The following SAMM50 variants were observed in gnomAD, a reference collection of about 807,000 sequenced individuals.
SAMM50 encodes sorting and assembly machinery component 50 homolog.
In SAMM50, 47 loss-of-function variants were observed where a neutral mutation model predicts 66.9. The ratio of observed to expected loss-of-function variants is 0.70; its 90% confidence interval spans 0.56 to 0.90. The LOEUF is 0.90. SAMM50 is among the 40% of genes least tolerant of loss of function. The pLI, the probability that SAMM50 is intolerant of heterozygous loss-of-function variation, is 0.00. For missense variants in SAMM50, 535 were observed against 595.3 expected (o/e 0.90, Z 1.05); for synonymous variants, 191 against 214.1 (o/e 0.89, Z 0.94).
intron 12 of SAMM50, 108 bp from the exon 13 acceptor site, chr22:43,989,003 G>A (rs1323914982): frequency 1.9e-6 from 2 of 1,072,998 alleles, no homozygotes; most frequent in Non-Finnish European, 2.7e-6. Flanking sequence ...CCAGCACTGT[G>A]TGGCGTTGTT....
At chr22:43,987,131 G>A (rs1213690231) in intron 12 of SAMM50, 5 of 152,136 alleles carry the variant, frequency 3.3e-5, no homozygotes, top group African/African-American at 1.2e-4. Flanking sequence ...CACCACCTCC[G>A]TGCGGTTGGC....
chr22:43,972,493 C>T lies in SAMM50; in HGVS notation c.429+151C>T, dbSNP rs74931710. 3.0e-3 allele frequency: 1,637 copies of T among 542,938 alleles called. 33 individuals carry two copies. The highest frequency in any genetic ancestry group is 0.028 in the African/African-American group (1,450 of 51,178). 33.6% of individuals were successfully genotyped at this position (542,938 alleles called of 1,614,324 possible). A position where few individuals can be genotyped will look rare whatever the true frequency, so the allele number is the denominator to read the frequency against. On this transcript the variant is annotated intron_variant, in intron 5 of 14. Transcript: ENST00000350028. ...TTATTTGTGGTTTCTCTTTAATCAC[C>T]GTAGAATTGGTGATAATATGTTTTG... is the stretch of plus-strand genomic sequence containing the variant.
At position 43,976,047 on chromosome 22, in the gene SAMM50, T is replaced by C. The variant is rs1436849469; in HGVS notation, c.649-8T>C. 16 of 1,607,590 alleles carry C rather than the reference T, an allele frequency of 1.0e-5. No individual in the cohort carries two copies. Among genetic ancestry groups the C allele is most frequent in the Non-Finnish European group, 1.4e-5 (16 of 1,174,462 alleles). On this transcript the variant is annotated splice_region_variant and splice_polypyrimidine_tract_variant and intron_variant, in intron 7 of 14. Coordinates refer to ENST00000350028, the MANE Select transcript of SAMM50 (RefSeq NM_015380.5). ...GGTCCGGAAAGATGTCTGATCTCCATGTTGCAGTTTCCCATATGGAAGACC... is the reference window on the plus strand; with the variant it reads ...GGTCCGGAAAGATGTCTGATCTCCACGTTGCAGTTTCCCATATGGAAGACC...
At chr22:43,955,712 C>T in intron 1 of SAMM50, 114 bp downstream of exon 1, 7 of 1,210,490 alleles carry the variant, frequency 5.8e-6, no homozygotes, top group Non-Finnish European at 8.0e-6. Flanking sequence ...GAGAGGGTGC[C>T]AAGGGTGCCG....
chr22:43,958,517 C>T (rs1233330876), intron 1 of SAMM50, among the ~76,000 whole-genome samples: 4 of 117,686 alleles, frequency 3.4e-5, no homozygotes, highest in Non-Finnish European at 4.8e-5. Flanking sequence ...CTTTCTCTGT[C>T]ACCCAGGCTG....
Position 43,968,748 on chromosome 22 carries a change from T to C in SAMM50, c.252T>C (p.His84=), listed in dbSNP as rs1569027080. The C allele has an allele frequency of 1.2e-6, 2 of 1,612,608 alleles. No individual in the cohort carries two copies. Among genetic ancestry groups the C allele is most frequent in the South Asian group, 2.2e-5 (2 of 91,058 alleles). Reference sequence around the variant, plus strand: ...TTTTATAGGTAATGCGGAAATCTCATGAAGCCCGTGAAAAATTGCTCCGTC... The same window carrying C: ...TTTTATAGGTAATGCGGAAATCTCACGAAGCCCGTGAAAAATTGCTCCGTC... ...KNLIEVMRKS[H]EAREKLLRLG... is the part of the protein sequence containing the mutation. The change falls in exon 4 of 15, where the codon CAT becomes CAC. Residue 84 remains histidine (H), a synonymous_variant. Transcript: ENST00000350028.
At chr22:43,963,243 A>G (rs2050156510) in intron 1 of SAMM50, 43 bp from the exon 2 acceptor site, 3 of 1,244,064 alleles carry the variant, frequency 2.4e-6, no homozygotes, top group African/African-American at 1.5e-5. Context: ...GTGTGTATAT[A>G]TGTGACAAAG....
chr22:43,986,836 A>C (rs1353365490), intron 12 of SAMM50: 1 of 152,200 alleles, frequency 6.6e-6, no homozygotes, highest in African/African-American at 2.4e-5. Context: ...TACAGGCGTG[A>C]GTCACTGCAC....
intron 1 of SAMM50, 143 bp downstream of exon 1, chr22:43,955,741 G>A (rs2050115862): frequency 1.0e-5 from 9 of 860,454 alleles, no homozygotes; most frequent in Non-Finnish European, 1.6e-5. Flanking sequence ...GGAGGAGGCC[G>A]AAAAGAGGTC....
At position 43,963,301 on chromosome 22, in the gene SAMM50, C is replaced by G; in HGVS notation, c.37C>G (p.Pro13Ala). 3.7e-6 allele frequency: 6 copies of G among 1,609,588 alleles called. No homozygotes were observed. The highest frequency in any genetic ancestry group is 5.1e-6 in the Non-Finnish European group (6 of 1,178,208). The change falls in exon 2 of 15, where the codon CCA (proline) becomes GCA (alanine). Residue 13 changes from proline to alanine, a missense_variant. Coordinates refer to ENST00000350028, the MANE Select transcript of SAMM50 (RefSeq NM_015380.5). Reference sequence around the variant, plus strand: ...TCCCTTTCAGAGTTTGGAGCCTCTTCCATCAAGTGGACCTGATTTTGGAGG... The same window carrying G: ...TCCCTTTCAGAGTTTGGAGCCTCTTGCATCAAGTGGACCTGATTTTGGAGG... ...TVHARSLEPL[P>A]SSGPDFGGLG...
intron 13 of SAMM50, 100 bp from the exon 14 acceptor site, chr22:43,990,164 CT>C: frequency 1.4e-6 from 2 of 1,423,934 alleles, no homozygotes; most frequent in Non-Finnish European, 1.9e-6. Flanking sequence ...TTAAAAACAA[CT>C]GCAGGGCCCA....
chr22:43,975,919 C>T (rs940135984), intron 7 of SAMM50, 136 bp from the exon 8 acceptor site: 9 of 848,642 alleles, frequency 1.1e-5, no homozygotes, highest in South Asian at 4.0e-5. Context: ...TCTTCTTCCC[C>T]TTCTCCCTCT....
At chr22:43,968,854 T>C in intron 4 of SAMM50, 36 bp downstream of exon 4, 1 of 1,461,686 alleles carries the variant, frequency 6.8e-7, no homozygotes, top group Non-Finnish European at 9.6e-7. Flanking sequence ...ATAATTCCCT[T>C]TCTGTCCATC....
At chr22:43,958,603 C>T (rs1350912297) in intron 1 of SAMM50, among the ~76,000 whole-genome samples, 1 of 151,318 alleles carries the variant, frequency 6.6e-6, no homozygotes, top group Admixed American at 6.6e-5. Context: ...CTCAGCCTCC[C>T]GAGTAGCTGG....
chr22:43,957,266 T>C (rs1254268490), intron 1 of SAMM50: 2 of 661,794 alleles, frequency 3.0e-6, no homozygotes, highest in Non-Finnish European at 5.6e-6. Context: ...AATGGCATGA[T>C]TCGTGCCAAA....
At position 43,973,437 on chromosome 22, in the gene SAMM50, C is replaced by T. The variant is rs538219063; in HGVS notation, c.648+114C>T. 56 of 670,776 alleles carry T rather than the reference C, an allele frequency of 8.3e-5. 1 individual carries two copies. The highest frequency in any genetic ancestry group is 4.3e-4 in the African/African-American group (24 of 56,144). 41.6% of individuals were successfully genotyped at this position (670,776 alleles called of 1,614,324 possible). ...TGGAAAGCACAGGCCCTCTGCCCTC[C>T]GCACCAGGTACCTCCTGGCCAGGTG... is the stretch of plus-strand genomic sequence containing the variant. On this transcript the variant is annotated intron_variant, in intron 7 of 14. Transcript: ENST00000350028.
chr22:43,983,809 G>A lies in SAMM50; in HGVS notation c.1008-124G>A. The A allele has an allele frequency of 1.5e-6, 1 of 679,182 alleles. No homozygotes were observed. The highest frequency in any genetic ancestry group is 2.5e-5 in the Admixed American group (1 of 39,658). The allele number at this position is 679,182 out of a possible 1,614,324, so 42.1% of individuals were successfully genotyped here. ...TGGTCTTTCTCAAAGGTTTTGCCTT[G>A]TAAAAATGCTGTCGATAATCTAGTA... On this transcript the variant is annotated intron_variant, in intron 11 of 14. Transcript: ENST00000350028. This position sits in a 1 kb window ranked among gnomAD's most constrained non-coding sequence, Gnocchi z 4.2.
intron 14 of SAMM50, among the ~76,000 whole-genome samples, chr22:43,995,735 G>A (rs1247312858): frequency 1.3e-5 from 2 of 152,214 alleles, no homozygotes; most frequent in African/African-American, 4.8e-5. Flanking sequence ...AAATGGGTCT[G>A]GTGGTTTGTT....
At chr22:43,978,185 T>C (rs2050242925) in intron 10 of SAMM50, among the ~76,000 whole-genome samples, 1 of 152,090 alleles carries the variant, frequency 6.6e-6, no homozygotes, top group South Asian at 2.1e-4. Context: ...GGTTCACGCC[T>C]GTAATCCCAG....
Sources: allele counts gnomAD v4.1 joint callset (sites outside exome capture counted in the v4.1 genomes callset), GRCh38; gene constraint gnomAD v4.1.1; non-coding constraint Gnocchi (gnomAD v3.1); transcripts MANE v1.5; gene names NCBI Gene and HGNC (gene_info 2026-07-23, HGNC 2026-07-21).